ULK4: variants seen among roughly 807,000 people sequenced by gnomAD.
ULK4 encodes inactive serine/threonine-protein kinase ULK4.
In ULK4, 133 loss-of-function variants were observed where a neutral mutation model predicts 160.6. That is an observed-to-expected ratio of 0.83 (90% CI 0.72 to 0.96). ULK4 has a LOEUF of 0.96. ULK4 is among the 40% of genes least tolerant of loss of function. The pLI is 0.00. For synonymous variants in ULK4, 534 were observed against 539.8 expected, an observed-to-expected ratio of 0.99 and a Z score of 0.15; for missense variants, 1,580 against 1,499.5, an observed-to-expected ratio of 1.05 and a Z score of -0.89.
chr3:41,469,602 CAAAAAAA>C (rs71616008), intron 32 of ULK4, among the ~76,000 whole-genome samples: 13 of 11,314 alleles, frequency 1.1e-3, no homozygotes, highest in African/African-American at 1.6e-3. Flanking sequence ...CTACACCTGC[CAAAAAAA>C]AAAAAAAAAA....
chr3:41,741,292 T>C (rs1575634463), intron 22 of ULK4, among the ~76,000 whole-genome samples: 3 of 151,922 alleles, frequency 2.0e-5, no homozygotes, highest in African/African-American at 7.3e-5. Context: ...TTTAACGAAA[T>C]TGTATACAAA....
chr3:41,728,983 C>T (rs116091939), intron 22 of ULK4, among the ~76,000 whole-genome samples: 327 of 152,246 alleles, frequency 2.1e-3, no homozygotes, highest in African/African-American at 7.5e-3. Flanking sequence ...ACACTGATGT[C>T]ACCAAGATGG....
chr3:41,728,188 T>C (rs938942975), intron 22 of ULK4, among the ~76,000 whole-genome samples: 2 of 152,182 alleles, frequency 1.3e-5, no homozygotes, highest in Non-Finnish European at 2.9e-5. Context: ...TTTAAGGCAA[T>C]TGTCTTGGTC....
chr3:41,506,834 A>G (rs2085409256), intron 32 of ULK4, among the ~76,000 whole-genome samples: 2 of 130,510 alleles, frequency 1.5e-5, no homozygotes, highest in Non-Finnish European at 3.1e-5. Flanking sequence ...TATTTTTACC[A>G]AAAAGATAAT....
At chr3:41,506,765 A>AAAAAAAAAAAAATATATATATATAT in intron 32 of ULK4, among the ~76,000 whole-genome samples, 1 of 10,448 alleles carries the variant, frequency 9.6e-5, no homozygotes, top group East Asian at 2.1e-3. Flanking sequence ...AGTGTGATTT[A>AAAAAAAAAAAAATATATATATATAT]AAATATATAT....
chr3:41,912,940 T>C, intron 8 of ULK4, 41 bp from the exon 9 acceptor site: 1 of 1,590,102 alleles, frequency 6.3e-7, no homozygotes, highest in Admixed American at 1.7e-5. Context: ...TTTAACATGA[T>C]TTACCATGAA....
intron 5 of ULK4, among the ~76,000 whole-genome samples, chr3:41,929,009 T>C (rs2148820133): frequency 6.6e-6 from 1 of 152,058 alleles, no homozygotes; most frequent in African/African-American, 2.4e-5. Context: ...AGCATCATCC[T>C]GATACCAAAG....
chr3:41,948,031 C>A (rs139623366), intron 2 of ULK4, among the ~76,000 whole-genome samples: 23 of 152,162 alleles, frequency 1.5e-4, no homozygotes, highest in Admixed American at 5.2e-4. Flanking sequence ...TCCTTCTTTC[C>A]CACACGTGAC....
intron 16 of ULK4, among the ~76,000 whole-genome samples, chr3:41,890,259 A>C (rs76313799): frequency 0.12 from 18,882 of 152,250 alleles, 1,351 homozygotes; most frequent in Middle Eastern, 0.27. Flanking sequence ...AGAGAAAGTG[A>C]GAAAGCAAAA....
intron 31 of ULK4, among the ~76,000 whole-genome samples, chr3:41,605,788 G>A (rs370487168): frequency 1.3e-5 from 2 of 151,770 alleles, no homozygotes; most frequent in Non-Finnish European, 2.9e-5. Context: ...ACATTCCAAC[G>A]GCAGCAAAAT....
chr3:41,514,716 G>T (rs111971566), intron 32 of ULK4, among the ~76,000 whole-genome samples: 1 of 152,096 alleles, frequency 6.6e-6, no homozygotes, highest in African/African-American at 2.4e-5. Flanking sequence ...TCATAAGTGG[G>T]AGCCAGAAAA....
chr3:41,771,763 T>C (rs186978379), intron 21 of ULK4, among the ~76,000 whole-genome samples: 1 of 152,238 alleles, frequency 6.6e-6, no homozygotes, highest in Admixed American at 6.5e-5. Context: ...AGAAAAAACG[T>C]AAAACATTAT....
At chr3:41,247,943 C>A (rs2078675722) in intron 36 of ULK4, among the ~76,000 whole-genome samples, 1 of 152,208 alleles carries the variant, frequency 6.6e-6, no homozygotes, top group African/African-American at 2.4e-5. Flanking sequence ...TTTGCAGGAG[C>A]AACTTCCCCG....
chr3:41,537,758 G>C (rs982372217), intron 32 of ULK4, among the ~76,000 whole-genome samples: 1 of 152,164 alleles, frequency 6.6e-6, no homozygotes. Flanking sequence ...CTGGCAGCTA[G>C]TGTTTCTTCC....
At chr3:41,772,934 A>G (rs372658408) in intron 21 of ULK4, among the ~76,000 whole-genome samples, 166 of 152,284 alleles carry the variant, frequency 1.1e-3, no homozygotes, top group African/African-American at 3.8e-3. Flanking sequence ...CTCAATCAAC[A>G]TAATCCAGCA....
At chr3:41,897,399 TAAA>T (rs1698198322) in intron 14 of ULK4, among the ~76,000 whole-genome samples, 1 of 151,328 alleles carries the variant, frequency 6.6e-6, no homozygotes, top group Non-Finnish European at 1.5e-5. Context: ...AAAGTTCCAA[TAAA>T]ATTATTGTAA....
rs187789351 is a variant in ULK4 at position 41,826,891 on chromosome 3, G to T, written c.1765-7385C>A. 5.7e-4 allele frequency among the ~76,000 whole-genome samples: 82 copies of T among 143,022 alleles called. 6 individuals are homozygous for T. The East Asian group carries it at 7.7e-3, about 13-fold the overall frequency. 93.8% of individuals were successfully genotyped at this position (143,022 alleles called of 152,430 possible). ...GCACCACAACACACCTATTCCAAAA[G>T]TGACCACATAGTTGGAAGTAAAGCT... is the stretch of plus-strand genomic sequence containing the variant. On this transcript the variant is annotated intron_variant, in intron 18 of 36. Coordinates refer to ENST00000301831, the MANE Select transcript of ULK4 (RefSeq NM_017886.4).
At chr3:41,699,783 AG>A (rs1404545090) in intron 27 of ULK4, among the ~76,000 whole-genome samples, 1 of 152,220 alleles carries the variant, frequency 6.6e-6, no homozygotes, top group African/African-American at 2.4e-5. Context: ...ATGCTCAAAA[AG>A]AGGTAATTAG....
chr3:41,645,455 G>A (rs1208430778), intron 30 of ULK4, among the ~76,000 whole-genome samples: 1 of 151,492 alleles, frequency 6.6e-6, no homozygotes, highest in Non-Finnish European at 1.5e-5. Context: ...TATGTACCCA[G>A]TAGTCATTCA....
Sources: allele counts gnomAD v4.1 joint callset (sites outside exome capture counted in the v4.1 genomes callset), GRCh38; gene constraint gnomAD v4.1.1; transcripts MANE v1.5; gene names NCBI Gene and HGNC (gene_info 2026-07-23, HGNC 2026-07-21).